Variants in NIPAL2 observed in about 807,000 individuals in gnomAD.
NIPAL2 encodes NIPA like domain containing 2.
NIPAL2 carries 43 observed loss-of-function variants against 48.9 expected under a neutral mutation model. The ratio of observed to expected loss-of-function variants is 0.88; its 90% CI spans 0.69 to 1.13. The LOEUF (loss-of-function observed/expected upper bound fraction) is 1.13, where lower values mean the gene tolerates loss of function less well. Among genes scored for constraint, NIPAL2 ranks in the 50% most tolerant of loss-of-function variants. NIPAL2 has a pLI of 0.00. For missense variants in NIPAL2, 446 were observed against 461.4 expected (o/e 0.97, Z 0.31); for synonymous variants, 167 against 174.6 (o/e 0.96, Z 0.34).
intron 4 of NIPAL2, among the ~76,000 whole-genome samples, chr8:98,225,239 CTTGT>C (rs890757191): frequency 2.6e-4 from 40 of 152,254 alleles, no homozygotes; most frequent in African/African-American, 8.2e-4. Context: ...CAGTTGCATG[CTTGT>C]TTATTTGGTG....
intron 1 of NIPAL2, among the ~76,000 whole-genome samples, chr8:98,280,530 G>A (rs1815741375): frequency 6.6e-6 from 1 of 151,666 alleles, no homozygotes; most frequent in Non-Finnish European, 1.5e-5. Context: ...AGACATGGGT[G>A]TTCAGCTCAC....
intron 8 of NIPAL2, among the ~76,000 whole-genome samples, chr8:98,198,252 G>A (rs1404485430): frequency 6.6e-6 from 1 of 152,172 alleles, no homozygotes; most frequent in Admixed American, 6.5e-5. Context: ...TGGTCAGTAG[G>A]TCTCAACAGT....
chr8:98,241,444 G>A (rs1812976818), intron 3 of NIPAL2, among the ~76,000 whole-genome samples: 4 of 152,314 alleles, frequency 2.6e-5, no homozygotes, highest in Non-Finnish European at 5.9e-5. Context: ...TAAATTGATA[G>A]AAACTTTCTG....
At chr8:98,246,515 A>T (rs1298189432) in intron 3 of NIPAL2, among the ~76,000 whole-genome samples, 1 of 152,186 alleles carries the variant, frequency 6.6e-6, no homozygotes, top group Non-Finnish European at 1.5e-5. Context: ...CTTTCCATAC[A>T]AAATTTCAAG....
Position 98,194,787 on chromosome 8 carries a change from G to T in NIPAL2, c.980C>A (p.Thr327Lys). Residue 327 changes from threonine to lysine, a missense_variant, in exon 10 of 11, where the codon ACA (threonine) becomes AAA (lysine). Coordinates refer to ENST00000430223, the MANE Select transcript of NIPAL2 (RefSeq NM_001321635.2). ...CAGATGTTCCTTTTCTCGATTTCTT[G>T]TGACCAAAAATACACCAAGGAATGA... The part of the protein sequence containing the change: ...FLSFLGVFLV[T>K]RNREKEHLQQ... The T allele has an allele frequency of 6.4e-7, 1 of 1,571,694 alleles. No homozygotes were observed. Among genetic ancestry groups the T allele is most frequent in the Non-Finnish European group, 8.6e-7 (1 of 1,163,326 alleles).
At chr8:98,237,592 A>G (rs1331945055) in intron 3 of NIPAL2, among the ~76,000 whole-genome samples, 3 of 152,072 alleles carry the variant, frequency 2.0e-5, no homozygotes, top group Non-Finnish European at 2.9e-5. Context: ...CCACACTACC[A>G]AGCAGAACAC....
At chr8:98,197,965 T>G (rs956924210) in intron 8 of NIPAL2, among the ~76,000 whole-genome samples, 1 of 152,236 alleles carries the variant, frequency 6.6e-6, no homozygotes, top group African/African-American at 2.4e-5. Context: ...TCACAAAAGT[T>G]CTTAATGACA....
chr8:98,241,467 A>C (rs1812977872), intron 3 of NIPAL2, among the ~76,000 whole-genome samples: 1 of 152,254 alleles, frequency 6.6e-6, no homozygotes, highest in Non-Finnish European at 1.5e-5. Flanking sequence ...GAGTGATTTT[A>C]CAATATCTAT....
chr8:98,225,989 C>A (rs1467811964), intron 4 of NIPAL2, among the ~76,000 whole-genome samples: 1 of 151,884 alleles, frequency 6.6e-6, no homozygotes, highest in Non-Finnish European at 1.5e-5. Context: ...ATCATTTCTG[C>A]TGTTAAGAGA....
chr8:98,235,755 A>G (rs1030143600), intron 4 of NIPAL2, among the ~76,000 whole-genome samples: 2 of 151,804 alleles, frequency 1.3e-5, no homozygotes, highest in African/African-American at 4.8e-5. Flanking sequence ...GAAGGGAGGC[A>G]TTGTTTTATT....
Position 98,190,092 on chromosome 8 carries a change from C to A in NIPAL2, c.*2886G>T, listed in dbSNP as rs999788657. 6.6e-6 allele frequency: 1 copy of A among 152,186 alleles called. No individual in the cohort carries two copies. Among genetic ancestry groups the A allele is most frequent in the African/African-American group, 2.4e-5 (1 of 41,444 alleles). 9.4% of individuals were successfully genotyped at this position (152,186 alleles called of 1,614,324 possible). A position where few individuals can be genotyped will look rare whatever the true frequency, so the allele number is the denominator to read the frequency against. ...TTTCAACTTGGACCCTAAGAATGAA[C>A]TTATCACTTCCATTTAGAACTTATA... On this transcript the variant is annotated 3_prime_UTR_variant, in exon 11 of 11. Coordinates refer to ENST00000430223, the MANE Select transcript of NIPAL2 (RefSeq NM_001321635.2).
intron 3 of NIPAL2, among the ~76,000 whole-genome samples, chr8:98,250,104 T>C (rs141880285): frequency 6.7e-6 from 1 of 150,138 alleles, no homozygotes; most frequent in East Asian, 1.9e-4. Flanking sequence ...ATTTTAATAG[T>C]CTCTCTCTCT....
chr8:98,209,188 AT>A (rs1811185758), intron 6 of NIPAL2, among the ~76,000 whole-genome samples: 1 of 152,202 alleles, frequency 6.6e-6, no homozygotes. Flanking sequence ...CTTAAAGAAT[AT>A]ATACTGTAAA....
intron 1 of NIPAL2, among the ~76,000 whole-genome samples, chr8:98,261,052 C>A (rs1275146971): frequency 1.3e-5 from 2 of 152,024 alleles, no homozygotes; most frequent in Non-Finnish European, 2.9e-5. Flanking sequence ...TTCCAACAGA[C>A]CTGCAGCTGA....
chr8:98,193,122 G>A lies in NIPAL2; in HGVS notation c.1040-32C>T, dbSNP rs1204436901. 4 of 1,531,442 alleles carry A rather than the reference G, an allele frequency of 2.6e-6. No individual in the cohort carries two copies. In the East Asian group the frequency reaches 6.8e-5, roughly 26 times the overall value. The allele number at this position is 1,531,442 out of a possible 1,614,324, so 94.9% of individuals were successfully genotyped here. A position where few individuals can be genotyped will look rare whatever the true frequency, so the allele number is the denominator to read the frequency against. On this transcript the variant is annotated intron_variant, in intron 10 of 10. Transcript: ENST00000430223. Reference sequence around the variant, plus strand: ...AGATAATAATCATAGAGAATCTTTTGAGGTCTTACAGAAAAATAAGTCTTA... The same window carrying A: ...AGATAATAATCATAGAGAATCTTTTAAGGTCTTACAGAAAAATAAGTCTTA...
In NIPAL2 at chr8:98,190,217, C is replaced by T. The variant is rs1810247491; in HGVS notation, c.*2761G>A. 1 of 152,294 alleles carries T rather than the reference C, an allele frequency of 6.6e-6. No homozygotes were observed. The highest frequency in any genetic ancestry group is 1.5e-5 in the Non-Finnish European group (1 of 68,120). The allele number at this position is 152,294 out of a possible 1,614,324, so 9.4% of individuals were successfully genotyped here. ...TGAGTGTCACTTTTTAAACTCCTTC[C>T]CTGAATGCCCAATCAACAGGAAAGA... On this transcript the variant is annotated 3_prime_UTR_variant, in exon 11 of 11. Transcript: ENST00000430223.
At chr8:98,282,507 G>T (rs1186590303) in intron 1 of NIPAL2, among the ~76,000 whole-genome samples, 4 of 151,854 alleles carry the variant, frequency 2.6e-5, no homozygotes, top group African/African-American at 9.7e-5. Flanking sequence ...TTAAAACAGG[G>T]TCCTAAAGAA....
chr8:98,207,518 G>T (rs576804603), intron 6 of NIPAL2, among the ~76,000 whole-genome samples: 1 of 152,180 alleles, frequency 6.6e-6, no homozygotes, highest in African/African-American at 2.4e-5. Flanking sequence ...CAGAAAAAAA[G>T]ATGAGAATAA....
At chr8:98,259,825 A>C (rs1563532537) in intron 1 of NIPAL2, among the ~76,000 whole-genome samples, 1 of 152,190 alleles carries the variant, frequency 6.6e-6, no homozygotes, top group African/African-American at 2.4e-5. Flanking sequence ...TCCCTAGAGC[A>C]CCCAGCCCCC....
Sources: allele counts gnomAD v4.1 joint callset (sites outside exome capture counted in the v4.1 genomes callset), GRCh38; gene constraint gnomAD v4.1.1; transcripts MANE v1.5; gene names NCBI Gene and HGNC (gene_info 2026-07-23, HGNC 2026-07-21).